ABCA7: variants seen among roughly 807,000 people sequenced by gnomAD.
ABCA7 encodes the protein ATP binding cassette subfamily A member 7.
Under a neutral mutation model 227.6 loss-of-function variants are expected in ABCA7, and 261 were observed. The ratio of observed to expected loss-of-function variants is 1.15; its 90% CI spans 1.04 to 1.27. The LOEUF is 1.27. Ranked by LOEUF, ABCA7 falls within the 50% of genes most tolerant of loss-of-function variation. The probability of loss-of-function intolerance (pLI) is 0.00; values close to 1 mark genes in which losing one functional copy is unlikely to be tolerated. For synonymous variants in ABCA7, 1,488 were observed against 1,279.7 expected (o/e 1.16, Z -3.47); for missense variants, 3,331 against 2,924.5 (o/e 1.14, Z -3.21).
intron 40 of ABCA7, among the ~76,000 whole-genome samples, chr19:1,061,063 G>A (rs77713912): frequency 0.035 from 5,368 of 152,054 alleles, 180 homozygotes; most frequent in East Asian, 0.17. Flanking sequence ...TAGCTCCCCC[G>A]GGGCCCCACC....
rs2042950012 is a variant in ABCA7, at chr19:1,064,974, AG to A, written c.6090del (p.Arg2030SerfsTer59). The A allele has an allele frequency of 6.4e-7, 1 of 1,553,246 alleles. No individual in the cohort carries two copies. Among genetic ancestry groups the A allele is most frequent in the Admixed American group, 1.9e-5 (1 of 51,802 alleles). ...ACTGACCCTGCGGGTGCCCGCCGCA[AG>A]GTCCCAGCCGGCAGCGGCCTTCGTG... ...HTLTLRVPAA[R>X]SQPAAAFVAA... On this transcript the variant is annotated frameshift_variant, in exon 46 of 47. Transcript: ENST00000263094. LOFTEE classifies it high-confidence loss of function.
chr19:1,047,751 T>A (rs1392155879), intron 16 of ABCA7, 97 bp downstream of exon 16: 50 of 1,068,472 alleles, frequency 4.7e-5, no homozygotes, highest in Non-Finnish European at 5.8e-5. Context: ...GGGTGGGGGG[T>A]GGCTTATTCC....
At chr19:1,045,543 G>A (rs981117980) in intron 12 of ABCA7, 3 of 380,754 alleles carry the variant, frequency 7.9e-6, no homozygotes, top group Non-Finnish European at 1.5e-5. Flanking sequence ...AAATTGCACC[G>A]GGTGCTGAGC....
In ABCA7 at chr19:1,053,378, G is replaced by A; in HGVS notation, c.3270G>A (p.Arg1090=). The change falls in exon 24 of 47, where the codon CGG becomes CGA. Residue 1090 remains arginine (R), a synonymous_variant. Coordinates refer to ENST00000263094, the MANE Select transcript of ABCA7 (RefSeq NM_019112.4). ...ALVQHWVPGA[R]LVEELPHELV... ...TACAGCACTGGGTGCCCGGGGCACG[G>A]CTGGTGGAGGAGCTGCCACACGAGC... 1 of 1,608,348 alleles carries A rather than the reference G, an allele frequency of 6.2e-7. No individual in the cohort carries two copies. Among genetic ancestry groups the A allele is most frequent in the Non-Finnish European group, 8.5e-7 (1 of 1,179,170 alleles).
In ABCA7 at chr19:1,042,148, C is replaced by T. The variant is rs775808026; in HGVS notation, c.387C>T (p.Ile129=). Residue 129 remains isoleucine, a synonymous_variant, in exon 5 of 47, where the codon ATC becomes ATT. Coordinates refer to ENST00000263094, the MANE Select transcript of ABCA7 (RefSeq NM_019112.4). ...HRTLAGLGKL[I]ATLRAARSTA... ...CGCTGGCTGGCCTAGGGAAGCTGAT[C>T]GCCACGCTGAGGGCTGCACGCAGCA... The T allele has an allele frequency of 1.1e-5, 17 of 1,599,600 alleles. No individual in the cohort carries two copies. In the East Asian group the frequency reaches 3.6e-4, roughly 34 times the overall value.
chr19:1,043,299 C>T (rs1250782240), intron 8 of ABCA7, 35 bp from the exon 9 acceptor site: 1 of 1,612,136 alleles, frequency 6.2e-7, no homozygotes, highest in African/African-American at 1.3e-5. Context: ...GAACTCTGGG[C>T]AGGGGGGCAG....
In ABCA7 at chr19:1,049,408, C is replaced by T. The variant is rs771774848; in HGVS notation, c.2523C>T (p.Gly841=). The T allele has an allele frequency of 3.7e-6, 6 of 1,608,982 alleles. No homozygotes were observed. In the South Asian group the frequency reaches 5.5e-5, roughly 15 times the overall value. The change falls in exon 18 of 47, where the codon GGC becomes GGT. Residue 841 remains glycine, a synonymous_variant. Coordinates refer to ENST00000263094, the MANE Select transcript of ABCA7 (RefSeq NM_019112.4). ...AGGGCCACATCACCGCCTTCCTGGG[C>T]CACAACGGGGCCGGCAAGACCACCA... The part of the protein sequence containing the change: ...FYQGHITAFL[G]HNGAGKTTTL...
At chr19:1,050,692 A>C (rs2041498566) in intron 18 of ABCA7, among the ~76,000 whole-genome samples, 1 of 149,998 alleles carries the variant, frequency 6.7e-6, no homozygotes. Flanking sequence ...AGGCAGGAGA[A>C]TGGCGTGAAC....
At chr19:1,062,700 A>G (rs2042741701) in intron 42 of ABCA7, among the ~76,000 whole-genome samples, 1 of 151,714 alleles carries the variant, frequency 6.6e-6, no homozygotes, top group Admixed American at 6.6e-5. Flanking sequence ...CCCAGTTTGC[A>G]GCCGTTTCAC....
In ABCA7 at chr19:1,047,472, C is replaced by T; in HGVS notation, c.2087C>T (p.Ala696Val). The change falls in exon 16 of 47, where the codon GCC (alanine) becomes GTC (valine). Residue 696 changes from alanine to valine, a missense_variant. Ala to Val is a moderately conservative substitution (Grantham distance 64, BLOSUM62 0). Coordinates refer to ENST00000263094, the MANE Select transcript of ABCA7 (RefSeq NM_019112.4). Reference protein sequence around the residue: ...RVAASLLSPVAFGFGCESLAL... With the variant: ...RVAASLLSPVVFGFGCESLAL... ...CCGCAGAGCCTGCTGTCGCCCGTGG[C>T]CTTCGGCTTCGGCTGCGAGAGCCTG... 6.4e-7 allele frequency: 1 copy of T among 1,558,264 alleles called. No individual in the cohort carries two copies. Among genetic ancestry groups the T allele is most frequent in the Non-Finnish European group, 8.6e-7 (1 of 1,156,402 alleles).
At position 1,064,916 on chromosome 19, in the gene ABCA7, C is replaced by T. The variant is rs923363494; in HGVS notation, c.6045-15C>T. 46 of 1,556,862 alleles carry T rather than the reference C, an allele frequency of 3.0e-5. No individual in the cohort carries two copies. Among genetic ancestry groups the T allele is most frequent in the Non-Finnish European group, 3.8e-5 (44 of 1,151,874 alleles). ...GAAAGGCCCGATCCGGTAGCCCTGG[C>T]CCCACTCACTGCAGATTCGCGGCGG... On this transcript the variant is annotated splice_polypyrimidine_tract_variant and intron_variant, in intron 45 of 46. Transcript: ENST00000263094.
At chr19:1,041,473 C>T in intron 2 of ABCA7, 37 bp from the exon 3 acceptor site, 1 of 1,613,616 alleles carries the variant, frequency 6.2e-7, no homozygotes, top group Non-Finnish European at 8.5e-7. Flanking sequence ...AGGCAGCCCC[C>T]ACTGTCCCCC....
rs2042263161 is a variant in ABCA7, at chr19:1,056,479, G to A, written c.4566G>A (p.Glu1522=). The stretch of plus-strand genomic sequence containing the variant: ...ACCACCCCTTGAACCTCACCAAGGA[G>A]CAGCTGTCTGAGGGTGCACTGTGAG... ...TLNHPLNLTK[E]QLSEGALMAS... is the part of the protein sequence containing the mutation. The change falls in exon 33 of 47, where the codon GAG becomes GAA. Residue 1522 remains glutamate, a synonymous_variant. Transcript: ENST00000263094. This position sits in a 1 kb window ranked among gnomAD's most constrained non-coding sequence, Gnocchi z 4.3. 1.9e-6 allele frequency: 3 copies of A among 1,613,312 alleles called. No individual in the cohort carries two copies. Among genetic ancestry groups the A allele is most frequent in the South Asian group, 1.1e-5 (1 of 91,070 alleles).
chr19:1,055,499 C>CTTTTT (rs397709972), intron 30 of ABCA7, 148 bp downstream of exon 30: 29 of 428,116 alleles, frequency 6.8e-5, no homozygotes, highest in Admixed American at 1.8e-4. Context: ...TTCCTTTCCT[C>CTTTTT]TTTTTTTTTT....
chr19:1,050,531 G>C (rs139804788), intron 18 of ABCA7, among the ~76,000 whole-genome samples: 3,558 of 152,098 alleles, frequency 0.023, 69 homozygotes, highest in Non-Finnish European at 0.039. Flanking sequence ...CAGCACTTTG[G>C]GGGGCCGAGG....
chr19:1,058,120 A>T (rs1456460651), intron 36 of ABCA7, 26 bp from the exon 37 acceptor site: 2 of 1,613,972 alleles, frequency 1.2e-6, no homozygotes, highest in Non-Finnish European at 1.7e-6. Context: ...GCCCCTGACC[A>T]ACATCCGTCT....
At chr19:1,061,389 T>TAAAAAA (rs2042642809) in intron 40 of ABCA7, among the ~76,000 whole-genome samples, 1 of 51,786 alleles carries the variant, frequency 1.9e-5, no homozygotes, top group African/African-American at 1.9e-4. Flanking sequence ...AGGCTCCGTC[T>TAAAAAA]CAAAAAAAAA....
chr19:1,058,367 G>A, intron 37 of ABCA7, 98 bp downstream of exon 37: 1 of 1,520,558 alleles, frequency 6.6e-7, no homozygotes, highest in Non-Finnish European at 8.8e-7. Context: ...CAGCCCCCCA[G>A]GGAGACAGCC....
rs10414798 is a variant in ABCA7, at chr19:1,057,864, A to T, written c.4881-51A>T. On this transcript the variant is annotated intron_variant, in intron 35 of 46. Transcript: ENST00000263094. The stretch of plus-strand genomic sequence containing the variant: ...GGGAATGGAGATTTTTATTCCTCTC[A>T]GGGCTTCTCAGTCTGAGTGGTTACT... 104,486 of 1,602,928 alleles carry T rather than the reference A, an allele frequency of 0.065. 5,101 individuals carry two copies. Among genetic ancestry groups the T allele is most frequent in the African/African-American group, 0.24 (18,144 of 74,398 alleles).
Sources: gnomAD v4.1 joint callset for allele counts (sites outside exome capture counted in the v4.1 genomes callset) on GRCh38, gnomAD v4.1.1 for gene constraint, Gnocchi (gnomAD v3.1) non-coding constraint, MANE v1.5 for transcripts, NCBI Gene and HGNC (gene_info 2026-07-23, HGNC 2026-07-21) for gene names.